ABCB11: variants seen among roughly 807,000 people sequenced by gnomAD.
The protein encoded by ABCB11 is bile salt export pump.
Under a neutral mutation model 148.0 loss-of-function variants are expected in ABCB11, and 95 were observed. That is an observed-to-expected ratio of 0.64 (90% CI 0.54 to 0.76). The LOEUF is 0.76. Ranked by LOEUF, ABCB11 falls within the 30% of genes least tolerant of loss-of-function variation. The probability of loss-of-function intolerance (pLI) is 0.00; values close to 1 mark genes in which losing one functional copy is unlikely to be tolerated. For missense variants in ABCB11, 1,523 were observed against 1,617.8 expected, an observed-to-expected ratio of 0.94 and a Z score of 1.01; for synonymous variants, 591 against 555.4, an observed-to-expected ratio of 1.06 and a Z score of -0.90.
rs951735841 is a variant in ABCB11 at position 168,953,171 on chromosome 2, T to G, written c.2343+4793A>C. Among the ~76,000 whole-genome samples, 5 of 151,706 alleles carry G rather than the reference T, an allele frequency of 3.3e-5. No individual in the cohort carries two copies. The South Asian group carries it at 1.0e-3, about 31-fold the overall frequency. ...ATGTTCCATATCCTGAGGAAAAGAC[T>G]GTACATTCTGTAGTTGTTGGGTAGA... is the stretch of plus-strand genomic sequence containing the variant. On this transcript the variant is annotated intron_variant, in intron 19 of 27. Transcript: ENST00000650372.
intron 17 of ABCB11, among the ~76,000 whole-genome samples, chr2:168,965,152 T>C (rs1693244145): frequency 6.6e-6 from 1 of 151,802 alleles, no homozygotes; most frequent in Admixed American, 6.6e-5. Flanking sequence ...AGGTAGGATA[T>C]GGGGATTTGT....
In ABCB11 at chr2:169,029,724, CTTTTTTTTTTT is replaced by C. The variant is rs1166356679; in HGVS notation, c.-28+1490_-28+1500del. ...GTCTCTAAATGTACAGTTCTTTCCT[CTTTTTTTTTTT>C]TTTTTTTTTTTTTTTTTGAGAGGAG... On this transcript the variant is annotated intron_variant, in intron 1 of 27. Transcript: ENST00000650372. Among the ~76,000 whole-genome samples the C allele has an allele frequency of 2.2e-4, 19 of 88,298 alleles. 2 individuals carry two copies. The highest frequency in any genetic ancestry group is 4.6e-4 in the African/African-American group (8 of 17,428). The allele number at this position is 88,298 out of a possible 152,430, so 57.9% of individuals were successfully genotyped here.
intron 2 of ABCB11, among the ~76,000 whole-genome samples, chr2:169,017,643 T>C (rs1245684188): frequency 6.7e-6 from 1 of 149,832 alleles, no homozygotes; most frequent in Admixed American, 6.6e-5. Context: ...ACATCCCAGG[T>C]GCTAGTGCTA....
chr2:168,931,344 G>T (rs2105889620), intron 24 of ABCB11, among the ~76,000 whole-genome samples: 1 of 152,248 alleles, frequency 6.6e-6, no homozygotes, highest in South Asian at 2.1e-4. Context: ...ATAAAATCTA[G>T]AAATGGATAG....
At chr2:168,937,141 C>A (rs1691869416) in intron 21 of ABCB11, among the ~76,000 whole-genome samples, 1 of 152,190 alleles carries the variant, frequency 6.6e-6, no homozygotes, top group Admixed American at 6.5e-5. Context: ...CCCACCTTGG[C>A]CTCCCATAGT....
At chr2:168,996,568 T>C in intron 6 of ABCB11, 67 bp downstream of exon 6, 1 of 915,482 alleles carries the variant, frequency 1.1e-6, no homozygotes, top group East Asian at 3.2e-5. Flanking sequence ...TGGCAACACA[T>C]TGCATCTCAT....
At chr2:168,928,372 G>A (rs1014633626) in intron 25 of ABCB11, among the ~76,000 whole-genome samples, 10 of 152,014 alleles carry the variant, frequency 6.6e-5, no homozygotes, top group African/African-American at 2.4e-4. Context: ...CTCCCACAGG[G>A]ACTCATGCAG....
chr2:168,940,575 T>C (rs1368769659), intron 21 of ABCB11, among the ~76,000 whole-genome samples: 1 of 152,076 alleles, frequency 6.6e-6, no homozygotes, highest in Non-Finnish European at 1.5e-5. Flanking sequence ...AAGTGCAAGG[T>C]GAAGCAGCAG....
Position 168,995,502 on chromosome 2 carries a change from T to G in ABCB11, c.478-20A>C. On this transcript the variant is annotated intron_variant, in intron 6 of 27. Coordinates refer to ENST00000650372, the MANE Select transcript of ABCB11 (RefSeq NM_003742.4). The stretch of plus-strand genomic sequence containing the variant: ...GCATATCTGGAAATGGACAAAGGAA[T>G]GTTTAGCATTGCAATGTTTGAAATA... 1 of 1,601,720 alleles carries G rather than the reference T, an allele frequency of 6.2e-7. No homozygotes were observed.
At chr2:168,962,474 G>T (rs1310748156) in intron 18 of ABCB11, among the ~76,000 whole-genome samples, 2 of 151,508 alleles carry the variant, frequency 1.3e-5, no homozygotes, top group Non-Finnish European at 3.0e-5. Context: ...GATGTCCAGG[G>T]AATCTGATGG....
chr2:168,986,314 C>A, intron 9 of ABCB11, 30 bp from the exon 10 acceptor site: 1 of 1,584,512 alleles, frequency 6.3e-7, no homozygotes, highest in Non-Finnish European at 8.6e-7. Context: ...GAGTCAATTT[C>A]GGCAGAAACA....
intron 5 of ABCB11, among the ~76,000 whole-genome samples, chr2:169,012,031 A>C (rs1451674798): frequency 6.6e-6 from 1 of 152,148 alleles, no homozygotes; most frequent in Non-Finnish European, 1.5e-5. Context: ...TTTGATGTTT[A>C]AAAAAATTTT....
chr2:168,918,316 A>T (rs1294309264), downstream of ABCB11, among the ~76,000 whole-genome samples: 1 of 152,240 alleles, frequency 6.6e-6, no homozygotes, highest in African/African-American at 2.4e-5. Context: ...CTCAAAGACC[A>T]TCAATAGACA....
intron 19 of ABCB11, among the ~76,000 whole-genome samples, chr2:168,954,927 C>T (rs959349336): frequency 4.0e-5 from 6 of 151,666 alleles, no homozygotes; most frequent in African/African-American, 1.5e-4. Flanking sequence ...ATCTCAAAGG[C>T]TTTGTTCATT....
At chr2:169,020,164 G>A (rs1359574044) in intron 1 of ABCB11, among the ~76,000 whole-genome samples, 1 of 152,134 alleles carries the variant, frequency 6.6e-6, no homozygotes, top group Non-Finnish European at 1.5e-5. Flanking sequence ...TGCAGATAAA[G>A]TATGTTAAGT....
At chr2:168,960,702 A>G (rs1693035427) in intron 18 of ABCB11, among the ~76,000 whole-genome samples, 1 of 151,688 alleles carries the variant, frequency 6.6e-6, no homozygotes, top group Non-Finnish European at 1.5e-5. Flanking sequence ...TGATGCAAAA[A>G]CTAGAAAATC....
chr2:169,011,381 C>T (rs1052582088), intron 5 of ABCB11, among the ~76,000 whole-genome samples: 12 of 152,208 alleles, frequency 7.9e-5, no homozygotes, highest in African/African-American at 2.6e-4. Context: ...TCTGTCCTCC[C>T]GCATAAATGA....
Position 168,990,845 on chromosome 2 carries a change from C to G in ABCB11, c.864G>C (p.Met288Ile). The G allele has an allele frequency of 6.2e-7, 1 of 1,613,240 alleles. No homozygotes were observed. Among genetic ancestry groups the G allele is most frequent in the Non-Finnish European group, 8.5e-7 (1 of 1,179,392 alleles). ...CACCACCAAAAGCAGCCACTGTTCT[C>G]ATTGATGAAATGACTTCATCAGCCA... The part of the protein sequence containing the change: ...GVVADEVISS[M>I]RTVAAFGGEK... The change falls in exon 9 of 28, where the codon ATG (methionine) becomes ATC (isoleucine). Residue 288 changes from methionine to isoleucine, a missense_variant. By Grantham distance (10) the Met-to-Ile change is conservative (BLOSUM62 1). Coordinates refer to ENST00000650372, the MANE Select transcript of ABCB11 (RefSeq NM_003742.4).
At chr2:168,950,972 C>A (rs853780) in intron 19 of ABCB11, among the ~76,000 whole-genome samples, 1 of 151,400 alleles carries the variant, frequency 6.6e-6, no homozygotes, top group South Asian at 2.1e-4. Context: ...AGGTATGGGT[C>A]TAATTTCTTT....
Sources: allele counts gnomAD v4.1 joint callset (sites outside exome capture counted in the v4.1 genomes callset), GRCh38; gene constraint gnomAD v4.1.1; transcripts MANE v1.5; gene names NCBI Gene and HGNC (gene_info 2026-07-23, HGNC 2026-07-21).